Variants in LMF1 observed in about 807,000 individuals in gnomAD.
LMF1 encodes transmembrane protein 112.
Under a neutral mutation model 60.6 loss-of-function variants are expected in LMF1, and 68 were observed. The observed-to-expected ratio is 1.12, with a 90% CI of 0.92 to 1.37. The LOEUF is 1.37. LMF1 is among the 40% of genes most tolerant of loss of function. LMF1 has a pLI of 0.00. For synonymous variants in LMF1, 418 were observed against 324.7 expected (o/e 1.29, Z -3.09); for missense variants, 948 against 767.2 (o/e 1.24, Z -2.78).
At chr16:925,382 A>T (rs1351035232) in intron 3 of LMF1, among the ~76,000 whole-genome samples, 1 of 152,232 alleles carries the variant, frequency 6.6e-6, no homozygotes, top group Non-Finnish European at 1.5e-5. Context: ...GAGAAATTCA[A>T]AACCAACAAA....
At chr16:901,449 C>G (rs1299594174) in intron 4 of LMF1, 1 of 152,240 alleles carries the variant, frequency 6.6e-6, no homozygotes, top group Non-Finnish European at 1.5e-5. Context: ...GATGCCGATG[C>G]TCTGTCCTCA....
chr16:928,773 A>G (rs944563339), intron 3 of LMF1, among the ~76,000 whole-genome samples: 7 of 144,996 alleles, frequency 4.8e-5, no homozygotes, highest in African/African-American at 1.8e-4. Flanking sequence ...CCATCCCTAC[A>G]CCCCCATGGG....
intron 2 of LMF1, among the ~76,000 whole-genome samples, chr16:953,152 A>G: frequency 8.7e-6 from 1 of 115,516 alleles, no homozygotes; most frequent in African/African-American, 3.3e-5. Flanking sequence ...CCCACCCCAA[A>G]CCAGCCTCCT....
At chr16:965,785 G>A (rs75555366) in intron 1 of LMF1, among the ~76,000 whole-genome samples, 3,235 of 152,284 alleles carry the variant, frequency 0.021, 112 homozygotes, top group African/African-American at 0.07. Context: ...CTGGAGGTGG[G>A]TAGAGGGGAA....
chr16:956,569 C>G (rs1477035020), intron 1 of LMF1, among the ~76,000 whole-genome samples: 1 of 152,212 alleles, frequency 6.6e-6, no homozygotes, highest in East Asian at 1.9e-4. Flanking sequence ...AAGGGCTGGG[C>G]AGGGTGGCTC....
At chr16:954,945 G>A (rs1325498179) in intron 1 of LMF1, among the ~76,000 whole-genome samples, 2 of 109,296 alleles carry the variant, frequency 1.8e-5, no homozygotes, top group South Asian at 3.2e-4. Context: ...CGCAGCAGAC[G>A]CGGTGTGTGC....
intron 8 of LMF1, among the ~76,000 whole-genome samples, chr16:870,341 G>A (rs1249310449): frequency 7.2e-5 from 11 of 152,368 alleles, no homozygotes; most frequent in African/African-American, 2.4e-4. Context: ...GCAGCTCAGG[G>A]TGGACATGAG....
At chr16:924,453 G>T (rs2071535711) in intron 3 of LMF1, among the ~76,000 whole-genome samples, 1 of 152,106 alleles carries the variant, frequency 6.6e-6, no homozygotes, top group African/African-American at 2.4e-5. Context: ...GGCCACACTG[G>T]CCACAGTGTA....
intron 2 of LMF1, among the ~76,000 whole-genome samples, chr16:944,742 A>T (rs1033339100): frequency 2.6e-5 from 4 of 152,188 alleles, no homozygotes; most frequent in Non-Finnish European, 5.9e-5. Flanking sequence ...TGCCCCTGCC[A>T]GGCTTGCCCT....
chr16:918,685 C>T (rs989798812), intron 3 of LMF1, among the ~76,000 whole-genome samples: 9 of 151,250 alleles, frequency 6.0e-5, no homozygotes. Context: ...AGGGCCCCGG[C>T]CCTTCAGGCC....
chr16:952,103 G>A (rs3852759), intron 2 of LMF1, among the ~76,000 whole-genome samples: 72,725 of 152,140 alleles, frequency 0.48, 19,092 homozygotes, highest in African/African-American at 0.7. Context: ...GCCACGTTGT[G>A]GGTGCCCAAG....
intron 1 of LMF1, chr16:979,923 G>C: frequency 1.1e-5 from 4 of 365,858 alleles, no homozygotes; most frequent in Admixed American, 3.2e-5. Flanking sequence ...GAAGGATGCG[G>C]GGACCCCGAG....
intron 5 of LMF1, among the ~76,000 whole-genome samples, chr16:888,664 G>C (rs968171153): frequency 1.3e-5 from 2 of 152,220 alleles, no homozygotes; most frequent in African/African-American, 2.4e-5. Context: ...ACAGCCTGCT[G>C]CATTCTGGAC....
chr16:863,922 C>T (rs960990700), intron 10 of LMF1, among the ~76,000 whole-genome samples: 5 of 152,254 alleles, frequency 3.3e-5, no homozygotes, highest in Non-Finnish European at 7.3e-5. Flanking sequence ...TGTGACATGT[C>T]ATTCAGTGCA....
At position 970,913 on chromosome 16, in the gene LMF1, G is replaced by T. The variant is rs745764691; in HGVS notation, c.68C>A (p.Ser23Ter). The T allele has an allele frequency of 1.3e-6, 2 of 1,580,646 alleles. No homozygotes were observed. Among genetic ancestry groups the T allele is most frequent in the Admixed American group, 3.5e-5 (2 of 57,530 alleles). ...GGGCGGCGACTCAGGCTCCGGATCC[G>T]AGTACCCAGTCTTCCGCCTCCTCAG... ...ESLRRRKTGY[S>*]DPEPESPPAP... The change falls in exon 1 of 11, where the codon TCG becomes TAG. Residue 23 changes from serine to a stop codon, truncating the protein, a stop_gained. Transcript: ENST00000262301. LOFTEE classifies it high-confidence loss of function.
intron 2 of LMF1, among the ~76,000 whole-genome samples, chr16:935,003 G>A (rs978419213): frequency 3.9e-5 from 6 of 152,226 alleles, no homozygotes; most frequent in African/African-American, 7.2e-5. Context: ...CACACCTGAC[G>A]TAGAAGGCAC....
At chr16:971,057 C>T (rs2073042684), upstream of LMF1, 2 of 1,325,830 alleles carry the variant, frequency 1.5e-6, no homozygotes, top group African/African-American at 3.1e-5. Flanking sequence ...CCGCCTCTCC[C>T]TGGCCGGCCC....
At position 878,090 on chromosome 16, in the gene LMF1, G is replaced by A. The variant is rs994157279; in HGVS notation, c.897+1480C>T. 3.3e-5 allele frequency among the ~76,000 whole-genome samples: 5 copies of A among 151,352 alleles called. No individual in the cohort carries two copies. The highest frequency in any genetic ancestry group is 4.4e-5 in the Non-Finnish European group (3 of 67,902). Reference sequence around the variant, plus strand: ...CTATTCCAGGAGCCCCCAGACGCGCGTGGGGTCCAGCCACATGGAATCCAC... The same window carrying A: ...CTATTCCAGGAGCCCCCAGACGCGCATGGGGTCCAGCCACATGGAATCCAC... On this transcript the variant is annotated intron_variant, in intron 6 of 10. Coordinates refer to ENST00000262301, the MANE Select transcript of LMF1 (RefSeq NM_022773.4). The surrounding 1 kb of genome is among the most constrained non-coding windows in gnomAD (Gnocchi z 5.2).
chr16:979,383 C>G (rs1036533563), intron 1 of LMF1: 27 of 351,502 alleles, frequency 7.7e-5, no homozygotes, highest in Non-Finnish European at 1.4e-4. Flanking sequence ...GCCCCCACCA[C>G]CCCGCCACAG....
Sources: allele counts gnomAD v4.1 joint callset (sites outside exome capture counted in the v4.1 genomes callset), GRCh38; gene constraint gnomAD v4.1.1; non-coding constraint Gnocchi (gnomAD v3.1); transcripts MANE v1.5; gene names NCBI Gene and HGNC (gene_info 2026-07-23, HGNC 2026-07-21).